Variants in KLHL38 observed in about 807,000 individuals in gnomAD.
KLHL38 encodes kelch like family member 38, also known as kelch-like protein 38.
KLHL38 carries 38 observed loss-of-function variants against 39.6 expected under a neutral mutation model. That is an observed-to-expected ratio of 0.96 (90% CI 0.74 to 1.26). The LOEUF (loss-of-function observed/expected upper bound fraction) is 1.26. KLHL38 is among the 50% of genes most tolerant of loss of function. The pLI, the probability that KLHL38 is intolerant of heterozygous loss-of-function variation, is 0.00. For missense variants in KLHL38, 803 were observed against 748.1 expected, an observed-to-expected ratio of 1.07 and a Z score of -0.86; for synonymous variants, 322 against 302.2, an observed-to-expected ratio of 1.07 and a Z score of -0.68.
rs770382760 is a variant in KLHL38, at chr8:123,651,580, G to C, written c.1347C>G (p.Ile449Met). The change falls in exon 2 of 4, where the codon ATC becomes ATG. Residue 449 changes from isoleucine (I) to methionine (M), a missense_variant. Coordinates refer to ENST00000684634, the MANE Select transcript of KLHL38 (RefSeq NM_001081675.3). ...ATGGGAAGAACCGGCCATTTACCTG[G>C]ATAAGGCGCACAGGGTTCTGCATGA... ...EDIMQNPVRL[I>M]QVYHISRNSW... 6.4e-7 allele frequency: 1 copy of C among 1,564,712 alleles called. No homozygotes were observed. Among genetic ancestry groups the C allele is most frequent in the Non-Finnish European group, 8.6e-7 (1 of 1,159,594 alleles).
chr8:123,644,756 AC>A lies in KLHL38; in HGVS notation c.*982del, dbSNP rs1189472651. 6.6e-6 allele frequency among the ~76,000 whole-genome samples: 1 copy of A among 152,014 alleles called. No homozygotes were observed. Among genetic ancestry groups the A allele is most frequent in the Non-Finnish European group, 1.5e-5 (1 of 67,998 alleles). ...GATGGGCTGTCAGTGACAACAGGTA[AC>A]CCCACCTCTGTCTGTGGGGATGTGG... On this transcript the variant is annotated 3_prime_UTR_variant, in exon 4 of 4. Transcript: ENST00000684634.
chr8:123,649,904 C>A (rs911861062), intron 2 of KLHL38, among the ~76,000 whole-genome samples: 2 of 152,152 alleles, frequency 1.3e-5, no homozygotes, highest in Non-Finnish European at 2.9e-5. Context: ...ATGGGCTGCA[C>A]CTGTTTGTGC....
rs371424778 is a variant in KLHL38, at chr8:123,650,645, A to C, written c.1350+932T>G. ...GCAGAGATTACCAGGAACTTGCATA[A>C]AGCTGGAAAACACTTAATATTCTGA... On this transcript the variant is annotated intron_variant, in intron 2 of 3. Coordinates refer to ENST00000684634, the MANE Select transcript of KLHL38 (RefSeq NM_001081675.3). 3.7e-4 allele frequency among the ~76,000 whole-genome samples: 57 copies of C among 152,278 alleles called. 1 individual carries two copies. The highest frequency in any genetic ancestry group is 1.3e-3 in the African/African-American group (52 of 41,562).
At position 123,651,837 on chromosome 8, in the gene KLHL38, T is replaced by C. The variant is rs1282553709; in HGVS notation, c.1090A>G (p.Arg364Gly). Residue 364 changes from arginine to glycine, a missense_variant, in exon 2 of 4, where the codon AGG (arginine) becomes GGG (glycine). Arg to Gly is a moderately radical substitution (Grantham distance 125, BLOSUM62 -2). Transcript: ENST00000684634. The stretch of plus-strand genomic sequence containing the variant: ...GCCACCAGCATGGGCTCCCCCAGCC[T>C]CCACTGATTGAGTTTCAGGGAGAAG... ...YIFSLKLNQW[R>G]LGEPMLVARY... 6.2e-7 allele frequency: 1 copy of C among 1,614,070 alleles called. No individual in the cohort carries two copies. The highest frequency in any genetic ancestry group is 1.3e-5 in the African/African-American group (1 of 74,930).
chr8:123,647,369 A>AT (rs148742573), intron 2 of KLHL38, among the ~76,000 whole-genome samples: 1 of 152,162 alleles, frequency 6.6e-6, no homozygotes, highest in Non-Finnish European at 1.5e-5. Context: ...TTTTCTGATC[A>AT]TTTTTTATTT....
In KLHL38 at chr8:123,645,473, G is replaced by GAGAGAGAGAA. The variant is rs1247797946; in HGVS notation, c.*265_*266insTTCTCTCTCT. ...AAAGAGAGAGAGAGAGAGAGAGAGA[G>GAGAGAGAGAA]AGAGAGACAGACAGAGATAGGGGAG... On this transcript the variant is annotated 3_prime_UTR_variant, in exon 4 of 4. Transcript: ENST00000684634. The GAGAGAGAGAA allele has an allele frequency of 1.2e-4, 58 of 499,288 alleles. No homozygotes were observed. The East Asian group carries it at 1.8e-3, about 16-fold the overall frequency. The allele number at this position is 499,288 out of a possible 1,614,324, so 30.9% of individuals were successfully genotyped here. A position where few individuals can be genotyped will look rare whatever the true frequency, so the allele number is the denominator to read the frequency against.
intron 1 of KLHL38, among the ~76,000 whole-genome samples, chr8:123,653,283 G>A (rs1475425431): frequency 6.6e-6 from 1 of 152,182 alleles, no homozygotes; most frequent in Non-Finnish European, 1.5e-5. Context: ...GATTTGACCA[G>A]CAGAAGTTCA....
Position 123,651,649 on chromosome 8 carries a change from G to A in KLHL38, c.1278C>T (p.Val426=), listed in dbSNP as rs761928204. Reference sequence around the variant, plus strand: ...GATAGAGTCTTTGGTCTTTCACAGCGACTGCGGGGTGGAGCACCCCCACGG... The same window carrying A: ...GATAGAGTCTTTGGTCTTTCACAGCAACTGCGGGGTGGAGCACCCCCACGG... ...SMPVGVLHPA[V]AVKDQRLYLF... is the part of the protein sequence containing the mutation. The change falls in exon 2 of 4, where the codon GTC becomes GTT. Residue 426 remains valine, a synonymous_variant. Transcript: ENST00000684634. 30 of 1,613,660 alleles carry A rather than the reference G, an allele frequency of 1.9e-5. No individual in the cohort carries two copies. Among genetic ancestry groups the A allele is most frequent in the East Asian group, 1.3e-4 (6 of 44,894 alleles).
chr8:123,651,364 A>G (rs771296210), intron 2 of KLHL38, among the ~76,000 whole-genome samples: 2 of 152,240 alleles, frequency 1.3e-5, no homozygotes, highest in Non-Finnish European at 2.9e-5. Flanking sequence ...GCATATGTGT[A>G]TGCATGTATG....
At position 123,645,477 on chromosome 8, in the gene KLHL38, G is replaced by GAGAGAGAC. The variant is rs763692107; in HGVS notation, c.*261_*262insGTCTCTCT. The GAGAGAGAC allele has an allele frequency of 3.3e-3, 1,587 of 474,558 alleles. 8 individuals carry two copies. Among genetic ancestry groups the GAGAGAGAC allele is most frequent in the African/African-American group, 0.017 (750 of 43,548 alleles). The allele number at this position is 474,558 out of a possible 1,614,324, so 29.4% of individuals were successfully genotyped here. A position where few individuals can be genotyped will look rare whatever the true frequency, so the allele number is the denominator to read the frequency against. On this transcript the variant is annotated 3_prime_UTR_variant, in exon 4 of 4. Coordinates refer to ENST00000684634, the MANE Select transcript of KLHL38 (RefSeq NM_001081675.3). The stretch of plus-strand genomic sequence containing the variant: ...AGAGAGAGAGAGAGAGAGAGAGAGA[G>GAGAGAGAC]AGACAGACAGAGATAGGGGAGAGAA...
chr8:123,650,837 G>T (rs1168161942), intron 2 of KLHL38, among the ~76,000 whole-genome samples: 1 of 152,180 alleles, frequency 6.6e-6, no homozygotes, highest in East Asian at 1.9e-4. Context: ...TTGATTCAGT[G>T]ATGTGAGGTC....
intron 2 of KLHL38, among the ~76,000 whole-genome samples, chr8:123,648,027 G>T (rs1297580824): frequency 2.0e-5 from 3 of 152,302 alleles, no homozygotes; most frequent in South Asian, 4.1e-4. Flanking sequence ...GTTGCAGTGA[G>T]TTGAGATCAC....
chr8:123,647,005 T>G lies in KLHL38; in HGVS notation c.1360A>C (p.Ile454Leu). 2 of 1,598,352 alleles carry G rather than the reference T, an allele frequency of 1.3e-6. No homozygotes were observed. The highest frequency in any genetic ancestry group is 2.2e-5 in the East Asian group (1 of 44,786). ...NPVRLIQVYH[I>L]SRNSWFKMET... Reference sequence around the variant, plus strand: ...ATTTTGAACCACGAGTTTCTGGAAATGTGATAAACCTGAGGGAGAGAGAGA... The same window carrying G: ...ATTTTGAACCACGAGTTTCTGGAAAGGTGATAAACCTGAGGGAGAGAGAGA... Residue 454 changes from isoleucine (I) to leucine (L), a missense_variant, in exon 3 of 4, where the codon ATT becomes CTT. Physicochemically the swap from Ile to Leu is conservative, Grantham distance 5. Coordinates refer to ENST00000684634, the MANE Select transcript of KLHL38 (RefSeq NM_001081675.3).
rs778303771 is a variant in KLHL38 at position 123,645,862 on chromosome 8, G to A, written c.1623C>T (p.Ala541=). ...TCTCGGGGTCGTAGCAATCGAAGGA[G>A]GCGGAGTCCTCAATGTTGCAGTCCG... ...LTTDCNIEDS[A]SFDCYDPETD... The change falls in exon 4 of 4, where the codon GCC becomes GCT. Residue 541 remains alanine (A), a synonymous_variant. Transcript: ENST00000684634. 2.5e-6 allele frequency: 4 copies of A among 1,613,866 alleles called. No homozygotes were observed. Among genetic ancestry groups the A allele is most frequent in the East Asian group, 4.5e-5 (2 of 44,894 alleles).
intron 3 of KLHL38, among the ~76,000 whole-genome samples, chr8:123,646,690 T>C (rs1359233753): frequency 6.6e-6 from 1 of 152,228 alleles, no homozygotes; most frequent in Non-Finnish European, 1.5e-5. Context: ...ACGACAGCTC[T>C]GTGAGATAGG....
At position 123,651,734 on chromosome 8, in the gene KLHL38, ATGAGC is replaced by A. The variant is rs1812648847; in HGVS notation, c.1188_1192del (p.Glu396AspfsTer8). On this transcript the variant is annotated frameshift_variant, in exon 2 of 4. Transcript: ENST00000684634. LOFTEE classifies it high-confidence loss of function. ...GCTGTCATACCTTTCCATGGAGCCC[ATGAGC>A]TCCTGCCCTTCTCCAATCCCCCCGA... 2.5e-6 allele frequency: 4 copies of A among 1,614,182 alleles called. No homozygotes were observed. The East Asian group carries it at 8.9e-5, about 36-fold the overall frequency.
chr8:123,651,000 A>G (rs943923586), intron 2 of KLHL38, among the ~76,000 whole-genome samples: 13 of 152,312 alleles, frequency 8.5e-5, no homozygotes, highest in Admixed American at 2.6e-4. Flanking sequence ...GAATTTTTAG[A>G]TATATATTTT....
At chr8:123,650,813 C>G (rs981926610) in intron 2 of KLHL38, among the ~76,000 whole-genome samples, 5 of 152,116 alleles carry the variant, frequency 3.3e-5, no homozygotes, top group African/African-American at 1.2e-4. Flanking sequence ...TTTAGGATCT[C>G]ACACAAAGAT....
At position 123,653,671 on chromosome 8, in the gene KLHL38, T is replaced by C. The variant is rs1472320201; in HGVS notation, c.-87A>G. Among the ~76,000 whole-genome samples, 1 of 152,214 alleles carries C rather than the reference T, an allele frequency of 6.6e-6. No individual in the cohort carries two copies. Among genetic ancestry groups the C allele is most frequent in the Non-Finnish European group, 1.5e-5 (1 of 68,044 alleles). On this transcript the variant is annotated 5_prime_UTR_variant, in exon 1 of 4. It removes an upstream start codon present in the reference 5' UTR. Coordinates refer to ENST00000684634, the MANE Select transcript of KLHL38 (RefSeq NM_001081675.3). Reference sequence around the variant, plus strand: ...CTACCTCTAGCTCCAAGGGAAACCATAAACCCCAGGCCTTTCTTTCAGTTG... The same window carrying C: ...CTACCTCTAGCTCCAAGGGAAACCACAAACCCCAGGCCTTTCTTTCAGTTG...
Sources: gnomAD v4.1 joint callset for allele counts (sites outside exome capture counted in the v4.1 genomes callset) on GRCh38, gnomAD v4.1.1 for gene constraint, MANE v1.5 for transcripts, NCBI Gene and HGNC (gene_info 2026-07-23, HGNC 2026-07-21) for gene names.